Variants in ANK2 observed in about 807,000 individuals in gnomAD.
ANK2 encodes the protein ankyrin 2, also known as ankyrin-2.
In ANK2, 83 loss-of-function variants were observed where a neutral mutation model predicts 360.5. That is an observed-to-expected ratio of 0.23 (90% CI 0.19 to 0.28). The LOEUF (loss-of-function observed/expected upper bound fraction) is 0.28, where lower values mean the gene tolerates loss of function less well. Ranked by LOEUF, ANK2 falls within the 10% of genes least tolerant of loss-of-function variation. The pLI is 1.00. For missense variants in ANK2, 4,201 were observed against 4,795.7 expected, an observed-to-expected ratio of 0.88 and a Z score of 3.66; for synonymous variants, 1,740 against 1,759.5, an observed-to-expected ratio of 0.99 and a Z score of 0.28.
intron 20 of ANK2, among the ~76,000 whole-genome samples, chr4:113,289,225 T>C (rs2066314273): frequency 6.6e-6 from 1 of 150,906 alleles, no homozygotes; most frequent in Admixed American, 6.6e-5. Context: ...CTTTTTTTTT[T>C]TTTTTTTTAA....
At chr4:113,237,650 T>A (rs1563087700) in intron 7 of ANK2, 28 bp downstream of exon 7, 1 of 1,575,380 alleles carries the variant, frequency 6.3e-7, no homozygotes. Flanking sequence ...TACCAAAATT[T>A]ACCTTGTCTT....
chr4:113,121,510 C>G (rs2095354434), intron 1 of ANK2, among the ~76,000 whole-genome samples: 1 of 152,072 alleles, frequency 6.6e-6, no homozygotes, highest in Non-Finnish European at 1.5e-5. Flanking sequence ...GGGATTCTAT[C>G]AAAATTGCAC....
At position 113,354,478 on chromosome 4, in the gene ANK2, G is replaced by T. The variant is rs371556220; in HGVS notation, c.5860G>T (p.Ala1954Ser). The change falls in exon 38 of 46, where the codon GCT becomes TCT. Residue 1954 changes from alanine to serine, a missense_variant. Physicochemically the swap from Ala to Ser is moderately conservative, Grantham distance 99 (BLOSUM62 1). This residue lies in a region of ANK2 where 2,642 missense variants were observed against 2,714.5 expected (regional missense o/e 0.97). Coordinates refer to ENST00000357077, the MANE Select transcript of ANK2 (RefSeq NM_001148.6). ...RTDKHQPVSTAGKTEKHLPVS... is the reference protein window; with the variant it reads ...RTDKHQPVSTSGKTEKHLPVS... ...GGACAAGCACCAACCTGTATCAACA[G>T]CTGGGAAAACTGAGAAGCACCTGCC... 6.8e-6 allele frequency: 11 copies of T among 1,613,878 alleles called. No homozygotes were observed. Among genetic ancestry groups the T allele is most frequent in the Non-Finnish European group, 9.3e-6 (11 of 1,179,976 alleles).
At chr4:113,254,457 T>C (rs560548153) in intron 10 of ANK2, among the ~76,000 whole-genome samples, 1 of 152,310 alleles carries the variant, frequency 6.6e-6, no homozygotes, top group African/African-American at 2.4e-5. Context: ...TCAATGAATG[T>C]TAATTTTTCA....
intron 1 of ANK2, among the ~76,000 whole-genome samples, chr4:113,066,335 T>G (rs2075609505): frequency 6.6e-6 from 1 of 152,206 alleles, no homozygotes; most frequent in Non-Finnish European, 1.5e-5. Flanking sequence ...GGGTTACTGG[T>G]GGGGTGCCTT....
the ANK2 span, among the ~76,000 whole-genome samples, chr4:112,715,407 T>C: frequency 2.6e-5 from 4 of 152,054 alleles, no homozygotes; most frequent in Non-Finnish European, 5.9e-5. Flanking sequence ...ATTATAAAAA[T>C]AGCATGTGGG....
At chr4:112,966,691 C>T (rs1237805265) in intron 2 of ANK2, among the ~76,000 whole-genome samples, 1 of 151,960 alleles carries the variant, frequency 6.6e-6, no homozygotes, top group African/African-American at 2.4e-5. Flanking sequence ...ATATCACAAC[C>T]ATAATCATAT....
the ANK2 span, among the ~76,000 whole-genome samples, chr4:112,760,230 G>A: frequency 6.7e-6 from 1 of 148,508 alleles, no homozygotes; most frequent in African/African-American, 2.5e-5. Flanking sequence ...TCTGTTGTCC[G>A]GGCTGGAGTT....
chr4:113,127,129 T>A (rs1270725461), intron 1 of ANK2, among the ~76,000 whole-genome samples: 1 of 152,038 alleles, frequency 6.6e-6, no homozygotes, highest in Non-Finnish European at 1.5e-5. Context: ...CTCTTTTAAA[T>A]TATGCTTGTT....
rs2153942625 is a variant in ANK2, at chr4:113,333,115, G to C, written c.3286G>C (p.Val1096Leu). ...TCGAGGAAAGGAAAGGGAACTGGTG[G>C]TCCTGCGCAGTGAGAATGGGGACAG... ...ALRGKERELV[V>L]LRSENGDSWK... The change falls in exon 29 of 46, where the codon GTC becomes CTC. Residue 1096 changes from valine (V) to leucine (L), a missense_variant. Physicochemically the swap from Val to Leu is conservative, Grantham distance 32. Coordinates refer to ENST00000357077, the MANE Select transcript of ANK2 (RefSeq NM_001148.6). 6.2e-7 allele frequency: 1 copy of C among 1,614,218 alleles called. No homozygotes were observed. Among genetic ancestry groups the C allele is most frequent in the Non-Finnish European group, 8.5e-7 (1 of 1,180,040 alleles).
chr4:113,145,712 C>T, intron 1 of ANK2: 2 of 1,140,776 alleles, frequency 1.8e-6, no homozygotes, highest in Non-Finnish European at 2.2e-6. Flanking sequence ...AGCCAGCTAG[C>T]AGATGGGGAG....
intron 26 of ANK2, among the ~76,000 whole-genome samples, chr4:113,319,711 A>G (rs956574021): frequency 2.0e-5 from 3 of 152,164 alleles, no homozygotes; most frequent in African/African-American, 7.2e-5. Flanking sequence ...AAATAAGTAG[A>G]GGCTAGTTCC....
intron 1 of ANK2, among the ~76,000 whole-genome samples, chr4:113,139,517 G>A (rs2096563786): frequency 6.6e-6 from 1 of 152,108 alleles, no homozygotes; most frequent in Non-Finnish European, 1.5e-5. Flanking sequence ...CAGTTTGGGG[G>A]GATTCTGTAC....
the ANK2 span, among the ~76,000 whole-genome samples, chr4:112,810,934 T>TTTC: frequency 2.9e-5 from 4 of 136,234 alleles, no homozygotes; most frequent in East Asian, 4.1e-4. Flanking sequence ...TTCTTTCTTT[T>TTTC]TTTTTTTTTT....
At chr4:113,204,793 A>C (rs1365692890) in intron 4 of ANK2, among the ~76,000 whole-genome samples, 5 of 152,156 alleles carry the variant, frequency 3.3e-5, no homozygotes. Flanking sequence ...CTAGGCGCTT[A>C]GATGCTGCTA....
chr4:112,726,648 G>A, the ANK2 span, among the ~76,000 whole-genome samples: 1 of 151,916 alleles, frequency 6.6e-6, no homozygotes, highest in African/African-American at 2.4e-5. Flanking sequence ...TCAGGAGATC[G>A]AGACCATCCT....
intron 2 of ANK2, among the ~76,000 whole-genome samples, chr4:113,191,770 A>G (rs2098668595): frequency 6.6e-6 from 1 of 152,370 alleles, no homozygotes. Flanking sequence ...TATCTGAGGT[A>G]GGCAAAGTAG....
At chr4:113,366,391 CTTTTTTTTT>C (rs58588518) in intron 41 of ANK2, among the ~76,000 whole-genome samples, 1 of 108,370 alleles carries the variant, frequency 9.2e-6, no homozygotes. Context: ...TTCTTGCTTC[CTTTTTTTTT>C]TTTTTTTTTT....
the ANK2 span, among the ~76,000 whole-genome samples, chr4:112,810,153 ATATATAT>A: frequency 2.6e-4 from 6 of 23,516 alleles, no homozygotes; most frequent in African/African-American, 8.0e-4. Flanking sequence ...ATATATATAT[ATATATAT>A]TTTTTTTTTT....
Sources: gnomAD v4.1 joint callset for allele counts (sites outside exome capture counted in the v4.1 genomes callset) on GRCh38, gnomAD v4.1.1 for gene constraint, gnomAD v4.1.1 regional missense constraint, MANE v1.5 for transcripts, NCBI Gene and HGNC (gene_info 2026-07-23, HGNC 2026-07-21) for gene names.